Variants in DNAH17 observed in about 807,000 individuals in gnomAD.
DNAH17 encodes the protein dynein axonemal heavy chain 17.
DNAH17 carries 376 observed loss-of-function variants against 485.6 expected under a neutral mutation model. That is an observed-to-expected ratio of 0.77 (90% CI 0.71 to 0.84). DNAH17 has a LOEUF of 0.84. Ranked by LOEUF, DNAH17 falls within the 40% of genes least tolerant of loss-of-function variation. The pLI is 0.00. For missense variants in DNAH17, 6,370 were observed against 5,839.3 expected (o/e 1.09, Z -2.96); for synonymous variants, 3,031 against 2,405.9 (o/e 1.26, Z -7.60).
chr17:78,570,117 A>G, intron 7 of DNAH17, 130 bp downstream of exon 7: 2 of 1,092,360 alleles, frequency 1.8e-6, no homozygotes, highest in Non-Finnish European at 1.3e-6. Context: ...CGGGGCCTGA[A>G]AAGGCTTGTG....
Position 78,537,563 on chromosome 17 carries a change from T to C in DNAH17, c.2677-82A>G. The C allele has an allele frequency of 2.8e-6, 4 of 1,446,044 alleles. No homozygotes were observed. The South Asian group carries it at 3.7e-5, about 14-fold the overall frequency. 89.6% of individuals were successfully genotyped at this position (1,446,044 alleles called of 1,614,324 possible). The stretch of plus-strand genomic sequence containing the variant: ...CTCAGTGCCCTGATCATCCACTCCG[T>C]ACCATCAATGTGTCACTGCCTTCCA... On this transcript the variant is annotated intron_variant, in intron 18 of 80. Coordinates refer to ENST00000389840, the MANE Select transcript of DNAH17 (RefSeq NM_173628.4).
intron 76 of DNAH17, among the ~76,000 whole-genome samples, 197 bp downstream of exon 76, chr17:78,428,924 T>TAAAAAAA (rs11409298): frequency 9.7e-6 from 1 of 103,316 alleles, no homozygotes; most frequent in Non-Finnish European, 1.9e-5. Flanking sequence ...TTTCTTTCTT[T>TAAAAAAA]AAAAAAAAAA....
chr17:78,453,324 G>T lies in DNAH17; in HGVS notation c.10529+19C>A. Reference sequence around the variant, plus strand: ...AAGATGTTTACCTGGCTCAAGCCACGGAGGCGGAAACAACTCACTTTCCCT... The same window carrying T: ...AAGATGTTTACCTGGCTCAAGCCACTGAGGCGGAAACAACTCACTTTCCCT... On this transcript the variant is annotated intron_variant, in intron 65 of 80. Coordinates refer to ENST00000389840, the MANE Select transcript of DNAH17 (RefSeq NM_173628.4). 6.2e-7 allele frequency: 1 copy of T among 1,611,220 alleles called. No individual in the cohort carries two copies. Among genetic ancestry groups the T allele is most frequent in the Non-Finnish European group, 8.5e-7 (1 of 1,178,498 alleles).
Position 78,425,335 on chromosome 17 carries a change from G to C in DNAH17, c.13141+11C>G. ...TGGAAGCTTCTGCAGACAGACAAGA[G>C]CCCTCCTTACCTTCCATGAAGAGTC... On this transcript the variant is annotated intron_variant, in intron 80 of 80. Coordinates refer to ENST00000389840, the MANE Select transcript of DNAH17 (RefSeq NM_173628.4). The C allele has an allele frequency of 1.2e-6, 2 of 1,611,446 alleles. No individual in the cohort carries two copies. Among genetic ancestry groups the C allele is most frequent in the South Asian group, 2.2e-5 (2 of 90,986 alleles).
chr17:78,468,903 G>A lies in DNAH17; in HGVS notation c.8512-20C>T, dbSNP rs373748837. On this transcript the variant is annotated intron_variant, in intron 54 of 80. Transcript: ENST00000389840. Reference sequence around the variant, plus strand: ...GTCAATCTGGACGGAGTGAGGACACGCTTAGGGGCCTTGGTAAAAAGATGC... The same window carrying A: ...GTCAATCTGGACGGAGTGAGGACACACTTAGGGGCCTTGGTAAAAAGATGC... 8.4e-5 allele frequency: 135 copies of A among 1,599,974 alleles called. 1 individual carries two copies. The African/African-American group carries it at 1.2e-3, about 14-fold the overall frequency.
chr17:78,502,027 C>T, intron 33 of DNAH17, 154 bp from the exon 34 acceptor site: 1 of 1,071,958 alleles, frequency 9.3e-7, no homozygotes, highest in Non-Finnish European at 1.3e-6. Flanking sequence ...CCCAGCCAGG[C>T]ACTGGTTTCA....
intron 43 of DNAH17, 140 bp from the exon 44 acceptor site, chr17:78,490,987 C>G: frequency 9.0e-7 from 1 of 1,109,038 alleles, no homozygotes; most frequent in South Asian, 1.7e-5. Flanking sequence ...TGGCCCACAG[C>G]CCTAGTCCCT....
At position 78,526,967 on chromosome 17, in the gene DNAH17, C is replaced by A; in HGVS notation, c.3537G>T (p.Lys1179Asn). The change falls in exon 23 of 81, where the codon AAG becomes AAT. Residue 1179 changes from lysine (K) to asparagine (N), a missense_variant. Transcript: ENST00000389840. ...QELPEHWANT[K>N]KLAIQVKLTV... ...TCAGCTTCACCTGAATGGCCAGTTT[C>A]TTGGTATTTGCCCAGTGCTCCGGCA... 6.3e-7 allele frequency: 1 copy of A among 1,587,568 alleles called. No individual in the cohort carries two copies. The highest frequency in any genetic ancestry group is 8.6e-7 in the Non-Finnish European group (1 of 1,166,768).
At position 78,468,864 on chromosome 17, in the gene DNAH17, T is replaced by TA; in HGVS notation, c.8530dup (p.Tyr2844LeufsTer31). 6.2e-7 allele frequency: 1 copy of TA among 1,613,658 alleles called. No individual in the cohort carries two copies. Among genetic ancestry groups the TA allele is most frequent in the Non-Finnish European group, 8.5e-7 (1 of 1,179,866 alleles). ...AACGTTCTTCACGGCAGCCTTTATGTACTGAGCAGCGAGGTCAATCTGGAC... is the reference window on the plus strand; with the variant it reads ...AACGTTCTTCACGGCAGCCTTTATGTAACTGAGCAGCGAGGTCAATCTGGAC... On this transcript the variant is annotated frameshift_variant, in exon 55 of 81. Coordinates refer to ENST00000389840, the MANE Select transcript of DNAH17 (RefSeq NM_173628.4). LOFTEE classifies it high-confidence loss of function.
chr17:78,483,322 C>T (rs1407218927), intron 48 of DNAH17, among the ~76,000 whole-genome samples: 2 of 152,198 alleles, frequency 1.3e-5, no homozygotes, highest in Non-Finnish European at 1.5e-5. Flanking sequence ...TGGAGTCAGA[C>T]ATATCTGAAC....
intron 69 of DNAH17, among the ~76,000 whole-genome samples, chr17:78,448,008 C>A (rs1180629197): frequency 1.3e-5 from 2 of 151,986 alleles, no homozygotes; most frequent in African/African-American, 4.8e-5. Context: ...CCCGTCTCAA[C>A]TAAAAATACA....
At chr17:78,446,948 T>C (rs969514315) in intron 69 of DNAH17, among the ~76,000 whole-genome samples, 2 of 151,666 alleles carry the variant, frequency 1.3e-5, no homozygotes, top group South Asian at 2.1e-4. Flanking sequence ...CCGGCCTTGT[T>C]GTCTTTGAGA....
At chr17:78,489,831 G>C (rs564583961) in intron 44 of DNAH17, among the ~76,000 whole-genome samples, 1 of 120,474 alleles carries the variant, frequency 8.3e-6, no homozygotes, top group Non-Finnish European at 1.7e-5. Flanking sequence ...GGGCGGGAGG[G>C]TGAATGGATG....
Position 78,424,138 on chromosome 17 carries a change from G to A in DNAH17, c.13157C>T (p.Thr4386Ile), listed in dbSNP as rs766337802. 3 of 1,611,868 alleles carry A rather than the reference G, an allele frequency of 1.9e-6. No individual in the cohort carries two copies. ...CGCTTCAGCGATGACTCCAGTCTGG[G>A]TGTCCCAGCGAGCCCCTGCAGGGAC... The part of the protein sequence containing the change: ...GLFMEGARWD[T>I]QTGVIAEARL... The change falls in exon 81 of 81, where the codon ACC (threonine) becomes ATC (isoleucine). Residue 4386 changes from threonine (T) to isoleucine (I), a missense_variant. Physicochemically the swap from Thr to Ile is moderately conservative, Grantham distance 89 (BLOSUM62 -1). Transcript: ENST00000389840.
intron 25 of DNAH17, among the ~76,000 whole-genome samples, chr17:78,520,458 A>T (rs2090906157): frequency 2.0e-5 from 3 of 152,202 alleles, no homozygotes; most frequent in African/African-American, 7.2e-5. Context: ...ATTATTGTCT[A>T]TGTACAAAAT....
intron 62 of DNAH17, among the ~76,000 whole-genome samples, chr17:78,456,108 G>A (rs1359547513): frequency 5.3e-5 from 8 of 152,046 alleles, no homozygotes; most frequent in Admixed American, 4.6e-4. Flanking sequence ...ATACCAGCCT[G>A]GCCAATATGG....
At chr17:78,484,739 A>ACCCCCCCGCCCCCCCCCCCCCCCCC in intron 48 of DNAH17, 129 bp downstream of exon 48, 3 of 347,798 alleles carry the variant, frequency 8.6e-6, no homozygotes, top group African/African-American at 2.7e-5. Context: ...ACGTTGCAGC[A>ACCCCCCCGCCCCCCCCCCCCCCCCC]CCCCCCCCAC....
At position 78,429,320 on chromosome 17, in the gene DNAH17, G is replaced by C; in HGVS notation, c.12226-20C>G. ...GGGCACCTGAGGAAGGATGACAGCGGGTAGGGGAAAGTGCCCCTGTGCCCC... is the reference window on the plus strand; with the variant it reads ...GGGCACCTGAGGAAGGATGACAGCGCGTAGGGGAAAGTGCCCCTGTGCCCC... On this transcript the variant is annotated intron_variant, in intron 75 of 80. Transcript: ENST00000389840. 1 of 1,608,200 alleles carries C rather than the reference G, an allele frequency of 6.2e-7. No individual in the cohort carries two copies. The highest frequency in any genetic ancestry group is 8.5e-7 in the Non-Finnish European group (1 of 1,176,118).
intron 56 of DNAH17, among the ~76,000 whole-genome samples, chr17:78,465,048 C>T (rs1040828379): frequency 6.6e-6 from 1 of 152,242 alleles, no homozygotes; most frequent in African/African-American, 2.4e-5. Flanking sequence ...CTGCCTGATT[C>T]TCCTGACTCA....
Sources: allele counts gnomAD v4.1 joint callset (sites outside exome capture counted in the v4.1 genomes callset), GRCh38; gene constraint gnomAD v4.1.1; transcripts MANE v1.5; gene names NCBI Gene and HGNC (gene_info 2026-07-23, HGNC 2026-07-21).